MMRN2: variants seen among roughly 807,000 people sequenced by gnomAD.
MMRN2 encodes the protein multimerin 2.
A neutral mutation model predicts 68.8 loss-of-function variants in MMRN2; 53 were observed. That is an observed-to-expected ratio of 0.77 (90% CI 0.62 to 0.97). MMRN2 has a LOEUF of 0.97. MMRN2 is among the 50% of genes least tolerant of loss of function. The pLI, the probability that MMRN2 is intolerant of heterozygous loss-of-function variation, is 0.00. For missense variants in MMRN2, 1,266 were observed against 1,259.5 expected (o/e 1.01, Z -0.08); for synonymous variants, 564 against 551.6 (o/e 1.02, Z -0.32).
chr10:86,957,090 C>T (rs1448503431), intron 1 of MMRN2, among the ~76,000 whole-genome samples: 1 of 152,178 alleles, frequency 6.6e-6, no homozygotes, highest in Non-Finnish European at 1.5e-5. Flanking sequence ...AGCCACAGTC[C>T]CCCAGTGCCC....
intron 1 of MMRN2, among the ~76,000 whole-genome samples, chr10:86,946,196 AG>A (rs1844066634): frequency 6.6e-6 from 1 of 152,220 alleles, no homozygotes; most frequent in South Asian, 2.1e-4. Context: ...TGAGGCACTT[AG>A]GGAGCTTCTC....
At chr10:86,939,906 A>C (rs1264965101) in intron 6 of MMRN2, among the ~76,000 whole-genome samples, 1 of 151,264 alleles carries the variant, frequency 6.6e-6, no homozygotes, top group East Asian at 1.9e-4. Flanking sequence ...GCTGGAGTGC[A>C]ATGGAGCTAT....
Position 86,943,185 on chromosome 10 carries a change from C to A in MMRN2, c.1599G>T (p.Leu533=). ...CGTCCACGGCGTTCTGCAGGGCCTG[C>A]AGGGAGGAGCCGTCCAGCTGCCGCC... ...DERRQLDGSS[L]QALQNAVDAV... Residue 533 remains leucine (L), a synonymous_variant, in exon 6 of 7, where the codon CTG becomes CTT. Coordinates refer to ENST00000372027, the MANE Select transcript of MMRN2 (RefSeq NM_024756.3). The surrounding 1 kb of genome is among the most constrained non-coding windows in gnomAD (Gnocchi z 4.2). 1 of 1,608,330 alleles carries A rather than the reference C, an allele frequency of 6.2e-7. No individual in the cohort carries two copies. Among genetic ancestry groups the A allele is most frequent in the South Asian group, 1.1e-5 (1 of 90,906 alleles).
intron 1 of MMRN2, among the ~76,000 whole-genome samples, chr10:86,948,188 T>C (rs1160723476): frequency 7.4e-6 from 1 of 135,842 alleles, no homozygotes; most frequent in African/African-American, 2.8e-5. Context: ...ATTATGCCAC[T>C]ACACTTCAGC....
chr10:86,939,549 CA>C (rs938347116), intron 6 of MMRN2, among the ~76,000 whole-genome samples: 6 of 150,846 alleles, frequency 4.0e-5, no homozygotes, highest in African/African-American at 7.3e-5. Context: ...TAACACCCTG[CA>C]GGTGGTTCTC....
At position 86,942,579 on chromosome 10, in the gene MMRN2, G is replaced by C; in HGVS notation, c.2205C>G (p.Asn735Lys). Residue 735 changes from asparagine (N) to lysine (K), a missense_variant, in exon 6 of 7, where the codon AAC becomes AAG. By Grantham distance (94) the Asn-to-Lys change is moderately conservative (BLOSUM62 0). Coordinates refer to ENST00000372027, the MANE Select transcript of MMRN2 (RefSeq NM_024756.3). ...AGCTGCGCTGAGTGGCGAAGAGTGC[G>C]TTGTGGAGGCCGTGAAGGGAGGCGT... is the stretch of plus-strand genomic sequence containing the variant. The part of the protein sequence containing the change: ...SLNASLHGLH[N>K]ALFATQRSLE... The C allele has an allele frequency of 6.2e-7, 1 of 1,612,072 alleles. No individual in the cohort carries two copies. The highest frequency in any genetic ancestry group is 8.5e-7 in the Non-Finnish European group (1 of 1,179,928).
intron 1 of MMRN2, chr10:86,949,106 G>A (rs185114510): frequency 2.4e-4 from 36 of 152,288 alleles, no homozygotes; most frequent in Admixed American, 2.1e-3. Flanking sequence ...TGGTTTCTAC[G>A]TGCTTCCAGA....
In MMRN2 at chr10:86,945,192, T is replaced by A; in HGVS notation, c.477A>T (p.Lys159Asn). Residue 159 changes from lysine (K) to asparagine (N), a missense_variant, in exon 4 of 7, where the codon AAA becomes AAT. By Grantham distance (94) the Lys-to-Asn change is moderately conservative. Coordinates refer to ENST00000372027, the MANE Select transcript of MMRN2 (RefSeq NM_024756.3). ...QEPQDGPVSF[K>N]PGHLAAVINE... ...CCCTTCCGGAAAGCAACACACCAGG[T>A]TTGAAGCTGACTGGTCCATCCTGAG... 6.2e-7 allele frequency: 1 copy of A among 1,613,550 alleles called. No individual in the cohort carries two copies. Among genetic ancestry groups the A allele is most frequent in the Non-Finnish European group, 8.5e-7 (1 of 1,179,874 alleles).
intron 6 of MMRN2, among the ~76,000 whole-genome samples, chr10:86,938,956 A>C (rs1207457031): frequency 3.3e-5 from 5 of 151,360 alleles, no homozygotes. Context: ...TGAAGTCGGG[A>C]ATTCGAGACC....
chr10:86,945,091 TC>T, intron 4 of MMRN2, 96 bp downstream of exon 4: 1 of 1,068,918 alleles, frequency 9.4e-7, no homozygotes, highest in Non-Finnish European at 1.4e-6. Context: ...AGGCAAGGTT[TC>T]CCTGAAATGG....
At chr10:86,941,229 T>A (rs1843959592) in intron 6 of MMRN2, among the ~76,000 whole-genome samples, 1 of 152,218 alleles carries the variant, frequency 6.6e-6, no homozygotes, top group Non-Finnish European at 1.5e-5. Context: ...CGGCTTTCCC[T>A]GTACAGTCCA....
chr10:86,938,795 GT>G (rs1239234600), intron 6 of MMRN2, among the ~76,000 whole-genome samples: 1 of 152,246 alleles, frequency 6.6e-6, no homozygotes, highest in Non-Finnish European at 1.5e-5. Flanking sequence ...ATAAAAAAAT[GT>G]TGCTTTTCTC....
chr10:86,943,137 CGCGTCCACGGCCAGCGACACG>C lies in MMRN2; in HGVS notation c.1626_1646del (p.Val543_Ala549del), dbSNP rs757305278. Reference sequence around the variant, plus strand: ...GCGCCCGCTCGCCCTCCGCTTTGTGCGCGTCCACGGCCAGCGACACGGCGTCCACGGCGTTCTGCAGGGCCT... The same window carrying C: ...GCGCCCGCTCGCCCTCCGCTTTGTGCGCGTCCACGGCGTTCTGCAGGGCCT... On this transcript the variant is annotated inframe_deletion, in exon 6 of 7. Transcript: ENST00000372027. The surrounding 1 kb of genome is among the most constrained non-coding windows in gnomAD (Gnocchi z 4.2). The C allele has an allele frequency of 7.6e-6, 12 of 1,580,440 alleles. No homozygotes were observed. Among genetic ancestry groups the C allele is most frequent in the African/African-American group, 1.3e-5 (1 of 74,204 alleles).
rs186112065 is a variant in MMRN2 at position 86,950,265 on chromosome 10, G to A, written c.165-4576C>T. On this transcript the variant is annotated intron_variant, in intron 1 of 6. Coordinates refer to ENST00000372027, the MANE Select transcript of MMRN2 (RefSeq NM_024756.3). ...CTGAGGCAGAAGAATCGCTTGACCC[G>A]GGAGGCAGAGGTTGTGGTGGGCCAA... 6.1e-3 allele frequency among the ~76,000 whole-genome samples: 925 copies of A among 151,582 alleles called. 12 individuals carry two copies. Among genetic ancestry groups the A allele is most frequent in the African/African-American group, 0.021 (881 of 41,270 alleles).
Position 86,942,593 on chromosome 10 carries a change from G to C in MMRN2, c.2191C>G (p.His731Asp), listed in dbSNP as rs4934281. The change falls in exon 6 of 7, where the codon CAC (histidine) becomes GAC (aspartate). Residue 731 changes from histidine to aspartate, a missense_variant. Coordinates refer to ENST00000372027, the MANE Select transcript of MMRN2 (RefSeq NM_024756.3). ...GCGAAGAGTGCGTTGTGGAGGCCGT[G>C]AAGGGAGGCGTTGAGGGAGGCGGCC... ...AGAASLNASL[H>D]GLHNALFATQ... 1,548,694 of 1,610,106 alleles carry C rather than the reference G, an allele frequency of 0.96. 745,193 individuals carry two copies. Among genetic ancestry groups the C allele is most frequent in the East Asian group, 1 (44,863 of 44,868 alleles).
At chr10:86,950,414 A>T (rs893253561) in intron 1 of MMRN2, among the ~76,000 whole-genome samples, 3 of 152,182 alleles carry the variant, frequency 2.0e-5, no homozygotes, top group Admixed American at 1.3e-4. Context: ...CCTGAGCACC[A>T]GCATTTTAAG....
intron 1 of MMRN2, among the ~76,000 whole-genome samples, chr10:86,955,622 C>T (rs1420135786): frequency 6.6e-6 from 1 of 152,228 alleles, no homozygotes; most frequent in Non-Finnish European, 1.5e-5. Flanking sequence ...TCTGCCTCCC[C>T]TTCCCATGCT....
At chr10:86,945,792 G>T in intron 1 of MMRN2, 103 bp from the exon 2 acceptor site, 1 of 1,574,510 alleles carries the variant, frequency 6.4e-7, no homozygotes, top group Admixed American at 1.8e-5. Flanking sequence ...AGCAGTGCTG[G>T]GATTCTGGAA....
intron 1 of MMRN2, among the ~76,000 whole-genome samples, chr10:86,953,063 C>T (rs546598986): frequency 2.6e-5 from 4 of 152,232 alleles, no homozygotes; most frequent in Admixed American, 1.3e-4. Context: ...TCCTTTTGCC[C>T]GACCCCGCAG....
Sources: gnomAD v4.1 joint callset for allele counts (sites outside exome capture counted in the v4.1 genomes callset) on GRCh38, gnomAD v4.1.1 for gene constraint, Gnocchi (gnomAD v3.1) non-coding constraint, MANE v1.5 for transcripts, NCBI Gene and HGNC (gene_info 2026-07-23, HGNC 2026-07-21) for gene names.